The following BIRC6 variants were observed in gnomAD, a reference collection of about 807,000 sequenced individuals.
BIRC6 encodes baculoviral IAP repeat containing 6, also known as dual E2 ubiquitin-conjugating enzyme/E3 ubiquitin-protein ligase BIRC6.
Under a neutral mutation model 503.3 loss-of-function variants are expected in BIRC6, and 98 were observed. The observed-to-expected ratio is 0.19, with a 90% CI of 0.17 to 0.23. The LOEUF (loss-of-function observed/expected upper bound fraction) is 0.23, where lower values mean the gene tolerates loss of function less well. Ranked by LOEUF, BIRC6 falls within the 10% of genes least tolerant of loss-of-function variation. The probability of loss-of-function intolerance (pLI) is 1.00; values close to 1 mark genes in which losing one functional copy is unlikely to be tolerated. For missense variants in BIRC6, 5,360 were observed against 5,806.0 expected (o/e 0.92, Z 2.50); for synonymous variants, 2,240 against 2,078.7 (o/e 1.08, Z -2.11).
At chr2:32,454,848 G>A (rs550825109) in intron 23 of BIRC6, among the ~76,000 whole-genome samples, 1 of 152,284 alleles carries the variant, frequency 6.6e-6, no homozygotes, top group South Asian at 2.1e-4. Context: ...GCTACTAAGT[G>A]AAATTCACAG....
chr2:32,617,643 T>C lies in BIRC6; in HGVS notation c.14395-82T>C, dbSNP rs909441231. The C allele has an allele frequency of 1.0e-5, 14 of 1,392,066 alleles. No individual in the cohort carries two copies. The African/African-American group carries it at 1.8e-4, about 18-fold the overall frequency. The allele number at this position is 1,392,066 out of a possible 1,614,324, so 86.2% of individuals were successfully genotyped here. ...ATTTGTAGGCTTAATGCTTTGGGCT[T>C]TGTTGAAATTCAGTTCCTGCCTCAA... On this transcript the variant is annotated intron_variant, in intron 73 of 73. Transcript: ENST00000421745.
intron 57 of BIRC6, among the ~76,000 whole-genome samples, chr2:32,524,593 A>G (rs527450452): frequency 2.0e-5 from 3 of 152,316 alleles, no homozygotes; most frequent in African/African-American, 7.2e-5. Context: ...GCAAGTTTTC[A>G]TGCTACTGGT....
chr2:32,362,897 A>G (rs1219569038), intron 1 of BIRC6, among the ~76,000 whole-genome samples: 2 of 152,158 alleles, frequency 1.3e-5, no homozygotes, highest in African/African-American at 4.8e-5. Flanking sequence ...TTTCTGTTCC[A>G]GTTTCCTTAT....
intron 3 of BIRC6, among the ~76,000 whole-genome samples, chr2:32,382,311 A>G (rs1471214143): frequency 6.6e-6 from 1 of 152,210 alleles, no homozygotes; most frequent in East Asian, 1.9e-4. Context: ...TGATGGTAGT[A>G]CCTCTGAGGG....
rs760077151 is a variant in BIRC6, at chr2:32,436,169, C to A, written c.3616C>A (p.Pro1206Thr). Residue 1206 changes from proline to threonine, a missense_variant, in exon 15 of 74, where the codon CCC (proline) becomes ACC (threonine). Physicochemically the swap from Pro to Thr is conservative, Grantham distance 38. Transcript: ENST00000421745. Reference sequence around the variant, plus strand: ...TGCTGGAATGTTGACGTTAACAAGCCCCAAACTTGTTAAAGGTGAAGTAAT... The same window carrying A: ...TGCTGGAATGTTGACGTTAACAAGCACCAAACTTGTTAAAGGTGAAGTAAT... ...GHAGMLTLTS[P>T]KLVKGMAGGK... 6.9e-7 allele frequency: 1 copy of A among 1,448,108 alleles called. No homozygotes were observed. Among genetic ancestry groups the A allele is most frequent in the East Asian group, 2.5e-5 (1 of 39,826 alleles). The allele number at this position is 1,448,108 out of a possible 1,614,324, so 89.7% of individuals were successfully genotyped here.
rs61611664 is a variant in BIRC6, at chr2:32,599,326, T to TA, written c.13831-396dup. Among the ~76,000 whole-genome samples the TA allele has an allele frequency of 2.9e-3, 349 of 121,638 alleles. 1 individual carries two copies. Among genetic ancestry groups the TA allele is most frequent in the African/African-American group, 5.7e-3 (171 of 30,050 alleles). The allele number at this position is 121,638 out of a possible 152,430, so 79.8% of individuals were successfully genotyped here. On this transcript the variant is annotated intron_variant, in intron 69 of 73. Coordinates refer to ENST00000421745, the MANE Select transcript of BIRC6 (RefSeq NM_016252.4). ...CCTGGGCCACCAAGTGAGACTGTCT[T>TA]AAAAAAAAAAAAAAAAAGCTGTTCT...
At chr2:32,529,952 A>T (rs2056593722) in intron 60 of BIRC6, 128 bp downstream of exon 60, 1 of 539,064 alleles carries the variant, frequency 1.9e-6, no homozygotes, top group Admixed American at 4.3e-5. Flanking sequence ...TTTATGACTG[A>T]ATTTTTGTAA....
In BIRC6 at chr2:32,575,164, A is replaced by G. The variant is rs2060181448; in HGVS notation, c.13153A>G (p.Met4385Val). 3.1e-6 allele frequency: 5 copies of G among 1,613,840 alleles called. No homozygotes were observed. The highest frequency in any genetic ancestry group is 1.3e-5 in the African/African-American group (1 of 74,914). ...TCTTCTTCTCCTTATAGTTCTGGACATGGCAAGACATGTGCCACTCTATCG... is the reference window on the plus strand; with the variant it reads ...TCTTCTTCTCCTTATAGTTCTGGACGTGGCAAGACATGTGCCACTCTATCG... ...SYLRNDSVLD[M>V]ARHVPLYRAL... is the part of the protein sequence containing the mutation. Residue 4385 changes from methionine to valine, a missense_variant, in exon 66 of 74, where the codon ATG becomes GTG. Physicochemically the swap from Met to Val is conservative, Grantham distance 21. Coordinates refer to ENST00000421745, the MANE Select transcript of BIRC6 (RefSeq NM_016252.4).
intron 65 of BIRC6, among the ~76,000 whole-genome samples, chr2:32,570,865 G>A (rs972082763): frequency 2.0e-5 from 3 of 152,028 alleles, no homozygotes; most frequent in Admixed American, 6.6e-5. Context: ...TGGTGTCATC[G>A]TAGCCCACTT....
chr2:32,576,071 A>G (rs2060248680), intron 66 of BIRC6, among the ~76,000 whole-genome samples: 1 of 152,172 alleles, frequency 6.6e-6, no homozygotes. Flanking sequence ...TTTAGGTGCT[A>G]TATTTTATTT....
At chr2:32,469,353 A>G in intron 29 of BIRC6, 42 bp from the exon 30 acceptor site, 1 of 1,444,216 alleles carries the variant, frequency 6.9e-7, no homozygotes, top group Non-Finnish European at 9.5e-7. Flanking sequence ...ATTATACAAT[A>G]CATTTAAATA....
chr2:32,443,333 C>T (rs2148354748), intron 19 of BIRC6, 158 bp from the exon 20 acceptor site: 3 of 563,460 alleles, frequency 5.3e-6, no homozygotes, highest in East Asian at 3.0e-5. Flanking sequence ...ATAATCAGTT[C>T]CCGCTATCTT....
In BIRC6 at chr2:32,571,557, A is replaced by G. The variant is rs570570325; in HGVS notation, c.13145-3599A>G. 1.8e-3 allele frequency among the ~76,000 whole-genome samples: 279 copies of G among 152,120 alleles called. 1 individual carries two copies. The highest frequency in any genetic ancestry group is 6.3e-3 in the African/African-American group (262 of 41,532). On this transcript the variant is annotated intron_variant, in intron 65 of 73. Transcript: ENST00000421745. ...CTAGGTTGAGTGTAGAGTTGATCATAATAGTCCCTGATCTTTTGTATTTCT... is the reference window on the plus strand; with the variant it reads ...CTAGGTTGAGTGTAGAGTTGATCATGATAGTCCCTGATCTTTTGTATTTCT...
chr2:32,487,906 TTATTA>T (rs1220776865), intron 41 of BIRC6, 105 bp downstream of exon 41: 1 of 949,668 alleles, frequency 1.1e-6, no homozygotes, highest in Admixed American at 2.6e-5. Flanking sequence ...GATGATTTCT[TTATTA>T]TATTCAGTTG....
At chr2:32,516,616 A>T (rs2055073091) in intron 55 of BIRC6, among the ~76,000 whole-genome samples, 1 of 150,964 alleles carries the variant, frequency 6.6e-6, no homozygotes, top group Non-Finnish European at 1.5e-5. Flanking sequence ...AGTGGAAGAT[A>T]ATTTATCATA....
Position 32,388,931 on chromosome 2 carries a change from G to A in BIRC6, c.827G>A (p.Arg276His), listed in dbSNP as rs778751315. The A allele has an allele frequency of 6.9e-6, 11 of 1,587,254 alleles. No homozygotes were observed. The highest frequency in any genetic ancestry group is 4.0e-5 in the African/African-American group (3 of 74,230). Residue 276 changes from arginine to histidine, a missense_variant, in exon 4 of 74, where the codon CGT becomes CAT. Arg to His is a conservative substitution (Grantham distance 29, BLOSUM62 0). Around this residue, in one of 16 missense-constraint regions of BIRC6, gnomAD observed 92 missense variants for 176.7 expected, o/e 0.52. Coordinates refer to ENST00000421745, the MANE Select transcript of BIRC6 (RefSeq NM_016252.4). ...CCAGAACTCGGAGTGGGGCCAGGCC[G>A]TTCTGTAGACAGGTATGAACCTTGC... Reference protein sequence around the residue: ...ARPELGVGPGRSVDRSLMYSE... With the variant: ...ARPELGVGPGHSVDRSLMYSE...
intron 1 of BIRC6, among the ~76,000 whole-genome samples, chr2:32,371,097 C>T (rs1051473568): frequency 6.6e-6 from 1 of 150,990 alleles, no homozygotes. Context: ...CCTGTAGTCT[C>T]AGCTACTTGG....
intron 66 of BIRC6, among the ~76,000 whole-genome samples, chr2:32,576,660 A>G (rs1387851931): frequency 6.6e-6 from 1 of 152,204 alleles, no homozygotes; most frequent in African/African-American, 2.4e-5. Context: ...CACTGGAAGA[A>G]TAATTCTTGT....
rs750223510 is a variant in BIRC6, at chr2:32,490,045, A to G, written c.8100A>G (p.Ser2700=). The part of the protein sequence containing the change: ...RIPVISLNQA[S]ITSFLTVLAW... ...CCCTTTCTCTTTTCTGCATAGCATC[A>G]ATAACTAGCTTTCTCACAGTGTTAG... The change falls in exon 43 of 74, where the codon TCA becomes TCG. Residue 2700 remains serine (S), a synonymous_variant. Coordinates refer to ENST00000421745, the MANE Select transcript of BIRC6 (RefSeq NM_016252.4). The G allele has an allele frequency of 5.0e-6, 8 of 1,604,814 alleles. No individual in the cohort carries two copies. Among genetic ancestry groups the G allele is most frequent in the African/African-American group, 4.0e-5 (3 of 74,772 alleles).
Sources: gnomAD v4.1 joint callset for allele counts (sites outside exome capture counted in the v4.1 genomes callset) on GRCh38, gnomAD v4.1.1 for gene constraint, gnomAD v4.1.1 regional missense constraint, MANE v1.5 for transcripts, NCBI Gene and HGNC (gene_info 2026-07-23, HGNC 2026-07-21) for gene names.